Variants in PIK3R5 observed in about 807,000 individuals in gnomAD.
PIK3R5 encodes the protein phosphoinositide-3-kinase regulatory subunit 5.
PIK3R5 carries 32 observed loss-of-function variants against 94.9 expected under a neutral mutation model. That is an observed-to-expected ratio of 0.34 (90% CI 0.25 to 0.45). The LOEUF is 0.45. Among genes scored for constraint, PIK3R5 ranks in the 20% least tolerant of loss-of-function variants. The probability of loss-of-function intolerance (pLI) is 1.00; values close to 1 mark genes in which losing one functional copy is unlikely to be tolerated. For missense variants in PIK3R5, 853 were observed against 1,144.6 expected (o/e 0.75, Z 3.68); for synonymous variants, 443 against 479.4 (o/e 0.92, Z 0.99).
Position 8,909,065 on chromosome 17 carries a change from C to A in PIK3R5, c.204+9G>T. The A allele has an allele frequency of 6.4e-7, 1 of 1,568,574 alleles. No homozygotes were observed. The highest frequency in any genetic ancestry group is 1.7e-5 in the Admixed American group (1 of 59,086). ...CAGATCTGCCCTTCAATTCCTGACT[C>A]CCCCTCACCTCTCGGGTCTTCTGCA... On this transcript the variant is annotated intron_variant, in intron 3 of 18. Transcript: ENST00000447110. This position sits in a 1 kb window ranked among gnomAD's most constrained non-coding sequence, Gnocchi z 4.3.
rs1054072812 is a variant in PIK3R5 at position 8,911,043 on chromosome 17, C to T, written c.103+349G>A. Among the ~76,000 whole-genome samples, 2 of 152,212 alleles carry T rather than the reference C, an allele frequency of 1.3e-5. No individual in the cohort carries two copies. The highest frequency in any genetic ancestry group is 4.8e-5 in the African/African-American group (2 of 41,446). On this transcript the variant is annotated intron_variant, in intron 2 of 18. Transcript: ENST00000447110. The surrounding 1 kb of genome is among the most constrained non-coding windows in gnomAD (Gnocchi z 5.3). Reference sequence around the variant, plus strand: ...TATGAGGGAACTAGAAACAAACAAACAGGAGAATTCTGGGGAGAGCTGCCT... The same window carrying T: ...TATGAGGGAACTAGAAACAAACAAATAGGAGAATTCTGGGGAGAGCTGCCT...
Position 8,881,030 on chromosome 17 carries a change from C to A in PIK3R5, c.2383-13G>T, listed in dbSNP as rs777106600. 1 of 1,596,598 alleles carries A rather than the reference C, an allele frequency of 6.3e-7. No individual in the cohort carries two copies. The highest frequency in any genetic ancestry group is 8.6e-7 in the Non-Finnish European group (1 of 1,164,090). ...GCGATGTGCTAATCTGGAAGGAAGG[C>A]CCAGGTCAGCCCCAAATCCCTGGCC... On this transcript the variant is annotated splice_polypyrimidine_tract_variant and intron_variant, in intron 17 of 18. Transcript: ENST00000447110. The surrounding 1 kb of genome is among the most constrained non-coding windows in gnomAD (Gnocchi z 4.8).
chr17:8,891,506 T>C (rs2090022587), intron 6 of PIK3R5, among the ~76,000 whole-genome samples: 2 of 152,190 alleles, frequency 1.3e-5, no homozygotes, highest in Admixed American at 6.5e-5. Flanking sequence ...GAGGGGACTG[T>C]GTGCCTGGCC....
In PIK3R5 at chr17:8,886,460, G is replaced by A; in HGVS notation, c.2034+17C>T. On this transcript the variant is annotated intron_variant, in intron 13 of 18. Coordinates refer to ENST00000447110, the MANE Select transcript of PIK3R5 (RefSeq NM_001142633.3). ...CGGCAGGTGGGGAAGAGGCGGTTCG[G>A]GGCAGGGAGGCCTTACCTCGGTCTG... is the stretch of plus-strand genomic sequence containing the variant. 1 of 1,598,220 alleles carries A rather than the reference G, an allele frequency of 6.3e-7. No homozygotes were observed.
intron 5 of PIK3R5, among the ~76,000 whole-genome samples, chr17:8,902,214 TAAA>T (rs71361836): frequency 1.2e-4 from 17 of 138,552 alleles, no homozygotes; most frequent in African/African-American, 4.5e-4. Flanking sequence ...CTTAATGGAC[TAAA>T]AAAAAAACCT....
rs760125091 is a variant in PIK3R5 at position 8,905,717 on chromosome 17, G to A, written c.225C>T (p.Tyr75=). ...KTREVQEKGT[Y]DLLTPLALLF... is the part of the protein sequence containing the mutation. ...GCAGGGCCAGCGGGGTGAGCAGGTCGTAGGTGCCCTTCTCCTGGACCTGTG... is the reference window on the plus strand; with the variant it reads ...GCAGGGCCAGCGGGGTGAGCAGGTCATAGGTGCCCTTCTCCTGGACCTGTG... Residue 75 remains tyrosine, a synonymous_variant, in exon 4 of 19, where the codon TAC becomes TAT. Coordinates refer to ENST00000447110, the MANE Select transcript of PIK3R5 (RefSeq NM_001142633.3). 2.3e-5 allele frequency: 37 copies of A among 1,605,298 alleles called. No individual in the cohort carries two copies. The highest frequency in any genetic ancestry group is 1.7e-4 in the Middle Eastern group (1 of 6,060).
chr17:8,929,790 C>T (rs9905157), intron 1 of PIK3R5, among the ~76,000 whole-genome samples: 6,383 of 151,584 alleles, frequency 0.042, 183 homozygotes, highest in Non-Finnish European at 0.06. Flanking sequence ...AGTTGTATAA[C>T]GGACATTGGA....
intron 1 of PIK3R5, among the ~76,000 whole-genome samples, chr17:8,948,657 A>T (rs937799072): frequency 1.3e-5 from 2 of 152,080 alleles, no homozygotes; most frequent in African/African-American, 4.8e-5. Flanking sequence ...TGAAAAAGGC[A>T]AAAAAAAGCA....
intron 5 of PIK3R5, among the ~76,000 whole-genome samples, chr17:8,895,706 A>T (rs2090138084): frequency 6.6e-6 from 1 of 152,120 alleles, no homozygotes; most frequent in African/African-American, 2.4e-5. Context: ...CTACAGTTAG[A>T]ATCAGAAGCT....
intron 4 of PIK3R5, 131 bp from the exon 5 acceptor site, chr17:8,905,046 G>T: frequency 1.0e-6 from 1 of 993,446 alleles, no homozygotes; most frequent in Non-Finnish European, 1.5e-6. Context: ...CGTGTCCCAG[G>T]ACAAGGTCAG....
At chr17:8,941,767 T>C (rs1351335253) in intron 1 of PIK3R5, among the ~76,000 whole-genome samples, 1 of 152,208 alleles carries the variant, frequency 6.6e-6, no homozygotes, top group Non-Finnish European at 1.5e-5. Flanking sequence ...TTGTCCCTGC[T>C]GCTTGCGGCC....
At chr17:8,952,011 C>T (rs79941208) in intron 1 of PIK3R5, among the ~76,000 whole-genome samples, 110 of 152,322 alleles carry the variant, frequency 7.2e-4, no homozygotes, top group Non-Finnish European at 1.4e-3. Flanking sequence ...TTCCCCCTTT[C>T]CCCTTCTTGC....
chr17:8,890,426 C>T lies in PIK3R5; in HGVS notation c.658-300G>A, dbSNP rs2089993910. On this transcript the variant is annotated intron_variant, in intron 7 of 18. Coordinates refer to ENST00000447110, the MANE Select transcript of PIK3R5 (RefSeq NM_001142633.3). This position sits in a 1 kb window ranked among gnomAD's most constrained non-coding sequence, Gnocchi z 6.1. Reference sequence around the variant, plus strand: ...GGGGTGACACAGCCGACCTGTGACACCTGTGACAGAGCCAGGCCTAGATGC... The same window carrying T: ...GGGGTGACACAGCCGACCTGTGACATCTGTGACAGAGCCAGGCCTAGATGC... Among the ~76,000 whole-genome samples the T allele has an allele frequency of 6.6e-6, 1 of 152,214 alleles. No homozygotes were observed. Among genetic ancestry groups the T allele is most frequent in the African/African-American group, 2.4e-5 (1 of 41,450 alleles).
intron 1 of PIK3R5, among the ~76,000 whole-genome samples, chr17:8,953,394 C>T (rs1310828277): frequency 6.6e-6 from 1 of 152,308 alleles, no homozygotes; most frequent in East Asian, 1.9e-4. Flanking sequence ...CTGCCTCTCT[C>T]AAGTGGGAGG....
rs898565532 is a variant in PIK3R5 at position 8,935,797 on chromosome 17, G to C, written c.-13-24290C>G. On this transcript the variant is annotated intron_variant, in intron 1 of 18. Transcript: ENST00000447110. This position sits in a 1 kb window ranked among gnomAD's most constrained non-coding sequence, Gnocchi z 4.5. Reference sequence around the variant, plus strand: ...AGGCCACGCATGGTGGCTCACGCTTGTAATCCCAGCACTTTGGGAGGCTGA... The same window carrying C: ...AGGCCACGCATGGTGGCTCACGCTTCTAATCCCAGCACTTTGGGAGGCTGA... 1.3e-5 allele frequency among the ~76,000 whole-genome samples: 2 copies of C among 152,132 alleles called. No individual in the cohort carries two copies. The highest frequency in any genetic ancestry group is 2.9e-5 in the Non-Finnish European group (2 of 68,016).
intron 1 of PIK3R5, among the ~76,000 whole-genome samples, chr17:8,952,198 T>C (rs1231812652): frequency 6.6e-6 from 1 of 152,228 alleles, no homozygotes; most frequent in Non-Finnish European, 1.5e-5. Flanking sequence ...GAGACAGAAA[T>C]AAACCTCTAT....
chr17:8,931,702 G>C (rs1218796083), intron 1 of PIK3R5, among the ~76,000 whole-genome samples: 2 of 152,178 alleles, frequency 1.3e-5, no homozygotes, highest in Admixed American at 1.3e-4. Context: ...AGCTGTGCAG[G>C]GTAAGACCTC....
At position 8,890,816 on chromosome 17, in the gene PIK3R5, G is replaced by A. The variant is rs768912422; in HGVS notation, c.579C>T (p.Tyr193=). The change falls in exon 7 of 19, where the codon TAC becomes TAT. Residue 193 remains tyrosine, a synonymous_variant. Transcript: ENST00000447110. This position sits in a 1 kb window ranked among gnomAD's most constrained non-coding sequence, Gnocchi z 6.1. ...STPGHSPHSA[Y]TTLLLHAFQA... ...GGAAGGCGTGCAGGAGCAGGGTGGTGTAGGCACTGTGAGGCGAGTGTCCGG... is the reference window on the plus strand; with the variant it reads ...GGAAGGCGTGCAGGAGCAGGGTGGTATAGGCACTGTGAGGCGAGTGTCCGG... 4 of 1,613,410 alleles carry A rather than the reference G, an allele frequency of 2.5e-6. No homozygotes were observed. The highest frequency in any genetic ancestry group is 3.4e-6 in the Non-Finnish European group (4 of 1,179,738).
Position 8,882,246 on chromosome 17 carries a change from G to T in PIK3R5, c.2206-365C>A. Reference sequence around the variant, plus strand: ...ACCTGAACCCCCTCTTCAAGTCTTTGTGTGAATGTCTCTGTCATCAGGGAC... The same window carrying T: ...ACCTGAACCCCCTCTTCAAGTCTTTTTGTGAATGTCTCTGTCATCAGGGAC... On this transcript the variant is annotated intron_variant, in intron 15 of 18. Coordinates refer to ENST00000447110, the MANE Select transcript of PIK3R5 (RefSeq NM_001142633.3). The surrounding 1 kb of genome is among the most constrained non-coding windows in gnomAD (Gnocchi z 4.1). The T allele has an allele frequency of 4.0e-6, 1 of 252,348 alleles. No homozygotes were observed. The highest frequency in any genetic ancestry group is 6.1e-5 in the South Asian group (1 of 16,264). The allele number at this position is 252,348 out of a possible 1,614,324, so 15.6% of individuals were successfully genotyped here.
Sources: allele counts gnomAD v4.1 joint callset (sites outside exome capture counted in the v4.1 genomes callset), GRCh38; gene constraint gnomAD v4.1.1; non-coding constraint Gnocchi (gnomAD v3.1); transcripts MANE v1.5; gene names NCBI Gene and HGNC (gene_info 2026-07-23, HGNC 2026-07-21).